Variants in FLNC observed in about 807,000 individuals in gnomAD.
FLNC encodes the protein filamin-C.
In FLNC, 91 loss-of-function variants were observed where a neutral mutation model predicts 254.3. The observed-to-expected ratio is 0.36, with a 90% CI of 0.30 to 0.43. The LOEUF is 0.43. FLNC is among the 20% of genes least tolerant of loss of function. FLNC has a pLI of 1.00. For missense variants in FLNC, 2,853 were observed against 3,802.6 expected, an observed-to-expected ratio of 0.75 and a Z score of 6.57; for synonymous variants, 1,430 against 1,577.2, an observed-to-expected ratio of 0.91 and a Z score of 2.21.
chr7:128,848,097 G>T, intron 26 of FLNC, 29 bp downstream of exon 26: 1 of 1,585,320 alleles, frequency 6.3e-7, no homozygotes, highest in Non-Finnish European at 8.6e-7. Flanking sequence ...CTCCTGTGCT[G>T]CGGCTGAGCT....
rs1808480839 is a variant in FLNC at position 128,844,718 on chromosome 7, A to G, written c.3253A>G (p.Ile1085Val). 2 of 1,613,768 alleles carry G rather than the reference A, an allele frequency of 1.2e-6. No homozygotes were observed. The highest frequency in any genetic ancestry group is 1.1e-5 in the South Asian group (1 of 91,076). The change falls in exon 21 of 48, where the codon ATC (isoleucine) becomes GTC (valine). Residue 1085 changes from isoleucine (I) to valine (V), a missense_variant. Ile to Val is a conservative substitution (Grantham distance 29). Transcript: ENST00000325888. ...GLVGTPAPFS[I>V]DTKGAGTGGL... Reference sequence around the variant, plus strand: ...GGTAGGCACCCCCGCGCCATTCTCCATCGACACCAAGGGGGCTGGCACAGG... The same window carrying G: ...GGTAGGCACCCCCGCGCCATTCTCCGTCGACACCAAGGGGGCTGGCACAGG...
chr7:128,842,676 G>A lies in FLNC; in HGVS notation c.2367G>A (p.Val789=), dbSNP rs1375634340. 1 of 1,556,866 alleles carries A rather than the reference G, an allele frequency of 6.4e-7. No individual in the cohort carries two copies. Among genetic ancestry groups the A allele is most frequent in the Non-Finnish European group, 8.7e-7 (1 of 1,149,962 alleles). ...LKANEPTYFT[V]DCSEAGQGDV... ...CCAATGAGCCCACCTACTTCACGGT[G>A]GACTGCAGCGAGGCGGGGCAAGGTG... Residue 789 remains valine (V), a synonymous_variant, in exon 15 of 48, where the codon GTG becomes GTA. Transcript: ENST00000325888. This position sits in a 1 kb window ranked among gnomAD's most constrained non-coding sequence, Gnocchi z 5.4.
rs566445832 is a variant in FLNC at position 128,834,850 on chromosome 7, T to C, written c.353-476T>C. Among the ~76,000 whole-genome samples the C allele has an allele frequency of 6.3e-4, 95 of 151,668 alleles. 2 individuals carry two copies. Among genetic ancestry groups the C allele is most frequent in the African/African-American group, 2.3e-3 (93 of 41,326 alleles). On this transcript the variant is annotated intron_variant, in intron 1 of 47. Transcript: ENST00000325888. The stretch of plus-strand genomic sequence containing the variant: ...GTGTGTGCAAGGAAACTTTGGGGAG[T>C]GATGGATGGTACCTTCGTTATTCTC...
chr7:128,854,933 TG>T (rs1414485192), intron 42 of FLNC, 21 bp downstream of exon 42: 6 of 1,613,114 alleles, frequency 3.7e-6, no homozygotes, highest in Non-Finnish European at 5.1e-6. Context: ...ACACTGGCAG[TG>T]GGGCTGGGCC....
chr7:128,839,929 C>T, intron 8 of FLNC, 94 bp from the exon 9 acceptor site: 1 of 1,516,174 alleles, frequency 6.6e-7, no homozygotes, highest in Non-Finnish European at 9.0e-7. Context: ...CTGCCTGTGC[C>T]TGGGAGGGGT....
rs751884031 is a variant in FLNC, at chr7:128,846,359, A to T, written c.4023A>T (p.Arg1341=). ...DEVAVPKSPF[R]VGVTEGCDPT... Reference sequence around the variant, plus strand: ...TCGCTGTGCCCAAGAGCCCCTTCCGAGTGGGCGTGACCGAGGGCTGTGATC... The same window carrying T: ...TCGCTGTGCCCAAGAGCCCCTTCCGTGTGGGCGTGACCGAGGGCTGTGATC... Residue 1341 remains arginine, a synonymous_variant, in exon 23 of 48, where the codon CGA becomes CGT. Transcript: ENST00000325888. 15 of 1,613,132 alleles carry T rather than the reference A, an allele frequency of 9.3e-6. No individual in the cohort carries two copies. Among genetic ancestry groups the T allele is most frequent in the Non-Finnish European group, 1.3e-5 (15 of 1,179,984 alleles).
chr7:128,838,559 C>T, intron 7 of FLNC, 44 bp from the exon 8 acceptor site: 1 of 1,610,122 alleles, frequency 6.2e-7, no homozygotes, highest in Non-Finnish European at 8.5e-7. Context: ...ACCGGGGCAG[C>T]TGTGTGTGTC....
At position 128,848,024 on chromosome 7, in the gene FLNC, C is replaced by T. The variant is rs753681622; in HGVS notation, c.4536C>T (p.Pro1512=). The T allele has an allele frequency of 1.2e-6, 2 of 1,607,550 alleles. No homozygotes were observed. The highest frequency in any genetic ancestry group is 1.7e-6 in the Non-Finnish European group (2 of 1,176,828). Residue 1512 remains proline, a synonymous_variant, in exon 26 of 48, where the codon CCC becomes CCT. Transcript: ENST00000325888. Reference sequence around the variant, plus strand: ...ACTACACCCCAGCCACTGACGGGCCCTACACGGTAGCCGTCAAGTATGCTG... The same window carrying T: ...ACTACACCCCAGCCACTGACGGGCCTTACACGGTAGCCGTCAAGTATGCTG... ...TVHYTPATDG[P]YTVAVKYADQ... is the part of the protein sequence containing the mutation.
At position 128,849,656 on chromosome 7, in the gene FLNC, A is replaced by T. The variant is rs1045331569; in HGVS notation, c.5199+78A>T. ...CTTTTAGCAGCAGCAGGGATCCCAGATAACTGTCCCCAAGGAATCCCACTT... is the reference window on the plus strand; with the variant it reads ...CTTTTAGCAGCAGCAGGGATCCCAGTTAACTGTCCCCAAGGAATCCCACTT... On this transcript the variant is annotated intron_variant, in intron 30 of 47. Coordinates refer to ENST00000325888, the MANE Select transcript of FLNC (RefSeq NM_001458.5). The T allele has an allele frequency of 4.1e-5, 64 of 1,555,924 alleles. 1 individual carries two copies. In the South Asian group the frequency reaches 6.6e-4, roughly 16 times the overall value.
intron 9 of FLNC, 76 bp from the exon 10 acceptor site, chr7:128,840,472 C>A (rs1808283042): frequency 2.5e-6 from 4 of 1,607,416 alleles, no homozygotes; most frequent in Non-Finnish European, 3.4e-6. Context: ...CCCAATGGCT[C>A]CTTGAGGGGA....
chr7:128,842,822 C>T lies in FLNC; in HGVS notation c.2418C>T (p.Ala806=). ...QGDVSIGIKC[A]PGVVGPAEAD... ...ACGTGAGCATCGGCATCAAGTGCGC[C>T]CCAGGCGTGGTGGGCCCTGCAGAGG... The change falls in exon 16 of 48, where the codon GCC becomes GCT. Residue 806 remains alanine (A), a synonymous_variant. Coordinates refer to ENST00000325888, the MANE Select transcript of FLNC (RefSeq NM_001458.5). The surrounding 1 kb of genome is among the most constrained non-coding windows in gnomAD (Gnocchi z 5.4). The T allele has an allele frequency of 6.2e-7, 1 of 1,613,860 alleles. No individual in the cohort carries two copies. Among genetic ancestry groups the T allele is most frequent in the South Asian group, 1.1e-5 (1 of 91,084 alleles).
chr7:128,846,034 T>TC lies in FLNC; in HGVS notation c.3838dup (p.Leu1280ProfsTer52). The TC allele has an allele frequency of 6.2e-7, 1 of 1,613,614 alleles. No homozygotes were observed. The highest frequency in any genetic ancestry group is 8.5e-7 in the Non-Finnish European group (1 of 1,179,938). ...CACTGAGTTCACTGTGGATGCAAGA[T>TC]CCCTAACAGCCACAGGCGGCAACCA... On this transcript the variant is annotated frameshift_variant, in exon 22 of 48. Transcript: ENST00000325888. LOFTEE classifies it high-confidence loss of function.
rs1808095064 is a variant in FLNC at position 128,836,428 on chromosome 7, C to G, written c.602-732C>G. Among the ~76,000 whole-genome samples, 1 of 152,184 alleles carries G rather than the reference C, an allele frequency of 6.6e-6. No homozygotes were observed. The highest frequency in any genetic ancestry group is 2.1e-4 in the South Asian group (1 of 4,830). On this transcript the variant is annotated intron_variant, in intron 2 of 47. Coordinates refer to ENST00000325888, the MANE Select transcript of FLNC (RefSeq NM_001458.5). This position sits in a 1 kb window ranked among gnomAD's most constrained non-coding sequence, Gnocchi z 6.0. ...CAGCAGTGAGCTCAGCTGTTCCAGC[C>G]AGTCATGGATTCCAGCCTTGAGCCG... is the stretch of plus-strand genomic sequence containing the variant.
chr7:128,855,321 G>A lies in FLNC; in HGVS notation c.7251+7G>A, dbSNP rs1809010910. 6.3e-7 allele frequency: 1 copy of A among 1,584,010 alleles called. No individual in the cohort carries two copies. Among genetic ancestry groups the A allele is most frequent in the Non-Finnish European group, 8.7e-7 (1 of 1,153,734 alleles). On this transcript the variant is annotated splice_region_variant and intron_variant, in intron 43 of 47. Transcript: ENST00000325888. ...CACTGTCACCAGCCTCCAGGTTTGT[G>A]CCCAGGGTGGGGGTGGAGGGTTTCT...
rs955673812 is a variant in FLNC at position 128,856,465 on chromosome 7, C to T, written c.7252-53C>T. On this transcript the variant is annotated intron_variant, in intron 43 of 47. Transcript: ENST00000325888. The surrounding 1 kb of genome is among the most constrained non-coding windows in gnomAD (Gnocchi z 5.9). ...GCACCGTGTGGGGCTTCAGAGAAGACTGCTCCAGCCCCGGCCTCCCAGGAG... is the reference window on the plus strand; with the variant it reads ...GCACCGTGTGGGGCTTCAGAGAAGATTGCTCCAGCCCCGGCCTCCCAGGAG... 5.6e-6 allele frequency: 9 copies of T among 1,602,258 alleles called. No individual in the cohort carries two copies. Among genetic ancestry groups the T allele is most frequent in the Middle Eastern group, 1.7e-4 (1 of 5,782 alleles).
At chr7:128,847,027 TG>T in intron 24 of FLNC, 122 bp downstream of exon 24, 1 of 1,317,658 alleles carries the variant, frequency 7.6e-7, no homozygotes, top group Non-Finnish European at 1.1e-6. Flanking sequence ...CAGCCTAGAG[TG>T]GGTTGGGGCC....
In FLNC at chr7:128,842,994, C is replaced by T. The variant is rs1483954530; in HGVS notation, c.2550+40C>T. On this transcript the variant is annotated intron_variant, in intron 16 of 47. Transcript: ENST00000325888. The surrounding 1 kb of genome is among the most constrained non-coding windows in gnomAD (Gnocchi z 5.4). ...GGGTACTCACAGCGACATGCACCTG[C>T]CAGCTCCAGAAGGCAGCTGGAGATG... The T allele has an allele frequency of 1.9e-6, 3 of 1,609,360 alleles. No individual in the cohort carries two copies. Among genetic ancestry groups the T allele is most frequent in the East Asian group, 2.2e-5 (1 of 44,844 alleles).
chr7:128,846,959 G>C, intron 24 of FLNC, 54 bp downstream of exon 24: 1 of 1,599,186 alleles, frequency 6.3e-7, no homozygotes, highest in South Asian at 1.1e-5. Flanking sequence ...GGTGCAGGAT[G>C]CTCGCCCCAC....
chr7:128,846,786 C>T lies in FLNC; in HGVS notation c.4169C>T (p.Pro1390Leu). 6.2e-7 allele frequency: 1 copy of T among 1,614,174 alleles called. No homozygotes were observed. The highest frequency in any genetic ancestry group is 8.5e-7 in the Non-Finnish European group (1 of 1,180,018). Residue 1390 changes from proline to leucine, a missense_variant, in exon 24 of 48, where the codon CCC becomes CTC. Physicochemically the swap from Pro to Leu is moderately conservative, Grantham distance 98 (BLOSUM62 -3). Transcript: ENST00000325888. ...TGGLGLAIEGPSEAKMSCKDN... is the reference protein window; with the variant it reads ...TGGLGLAIEGLSEAKMSCKDN... The stretch of plus-strand genomic sequence containing the variant: ...GGCCTTGGCCTAGCCATCGAGGGTC[C>T]CTCGGAAGCCAAGATGTCCTGCAAG...
Sources: allele counts gnomAD v4.1 joint callset (sites outside exome capture counted in the v4.1 genomes callset), GRCh38; gene constraint gnomAD v4.1.1; non-coding constraint Gnocchi (gnomAD v3.1); transcripts MANE v1.5; gene names NCBI Gene and HGNC (gene_info 2026-07-23, HGNC 2026-07-21).